MAPK4: variants seen among roughly 807,000 people sequenced by gnomAD.
The protein encoded by MAPK4 is Erk3-related.
A neutral mutation model predicts 47.7 loss-of-function variants in MAPK4; 22 were observed. That is an observed-to-expected ratio of 0.46 (90% CI 0.33 to 0.66). The LOEUF (loss-of-function observed/expected upper bound fraction) is 0.66. Ranked by LOEUF, MAPK4 falls within the 30% of genes least tolerant of loss-of-function variation. The pLI is 0.02. For synonymous variants in MAPK4, 390 were observed against 365.7 expected, an observed-to-expected ratio of 1.07 and a Z score of -0.76; for missense variants, 736 against 831.7, an observed-to-expected ratio of 0.88 and a Z score of 1.42.
intron 1 of MAPK4, among the ~76,000 whole-genome samples, chr18:50,649,063 G>C (rs889354049): frequency 6.6e-6 from 1 of 152,210 alleles, no homozygotes; most frequent in Non-Finnish European, 1.5e-5. Context: ...TTTTATGTGA[G>C]AGAAACACTT....
chr18:50,657,468 T>C (rs187977685), intron 1 of MAPK4, among the ~76,000 whole-genome samples: 23 of 152,270 alleles, frequency 1.5e-4, no homozygotes, highest in East Asian at 1.2e-3. Context: ...GCCGGAGTCA[T>C]TGTGTAATCA....
chr18:50,581,379 CCT>C, intron 1 of MAPK4, among the ~76,000 whole-genome samples: 1 of 152,200 alleles, frequency 6.6e-6, no homozygotes, highest in Middle Eastern at 3.4e-3. Flanking sequence ...GGCGTTGGTT[CCT>C]CTCTGCAGGT....
chr18:50,681,244 T>G (rs115074251), intron 2 of MAPK4, among the ~76,000 whole-genome samples: 1,541 of 152,304 alleles, frequency 0.01, 30 homozygotes, highest in African/African-American at 0.035. Flanking sequence ...TTGTTCATTT[T>G]TAATTGGGTT....
At chr18:50,584,082 G>T (rs2042369173) in intron 1 of MAPK4, among the ~76,000 whole-genome samples, 1 of 152,194 alleles carries the variant, frequency 6.6e-6, no homozygotes, top group Non-Finnish European at 1.5e-5. Context: ...AAGTCTTCTT[G>T]CTCCTTGAGG....
chr18:50,715,290 C>A (rs1028393940), intron 3 of MAPK4, 67 bp downstream of exon 3: 51 of 1,510,450 alleles, frequency 3.4e-5, no homozygotes, highest in Non-Finnish European at 4.4e-5. Context: ...GAACTGAGTG[C>A]AAAACACTTA....
At chr18:50,657,321 G>T (rs1227854284) in intron 1 of MAPK4, among the ~76,000 whole-genome samples, 1 of 152,184 alleles carries the variant, frequency 6.6e-6, no homozygotes, top group Non-Finnish European at 1.5e-5. Context: ...CACCTCCTGG[G>T]ACTCCGGGAA....
intron 1 of MAPK4, among the ~76,000 whole-genome samples, chr18:50,594,454 A>G (rs2042465238): frequency 6.6e-6 from 1 of 152,216 alleles, no homozygotes; most frequent in African/African-American, 2.4e-5. Flanking sequence ...ACACACCCAT[A>G]CATTTACAGT....
rs555303185 is a variant in MAPK4 at position 50,679,875 on chromosome 18, G to A, written c.546+15371G>A. On this transcript the variant is annotated intron_variant, in intron 2 of 5. Coordinates refer to ENST00000400384, the MANE Select transcript of MAPK4 (RefSeq NM_002747.4). ...CCCTCCTTCCTGTGTCCCTCCTGGT[G>A]GCCTCTCCCCGTGCTCTTACGCTGT... 3.9e-5 allele frequency among the ~76,000 whole-genome samples: 6 copies of A among 152,094 alleles called. No homozygotes were observed. In the East Asian group the frequency reaches 1.2e-3, roughly 30 times the overall value.
chr18:50,633,884 A>G (rs937361056), intron 1 of MAPK4, among the ~76,000 whole-genome samples: 2 of 152,164 alleles, frequency 1.3e-5, no homozygotes, highest in Non-Finnish European at 2.9e-5. Context: ...CATCTAAGGT[A>G]GGAAGGATCA....
chr18:50,726,565 C>T (rs969026345), intron 5 of MAPK4, among the ~76,000 whole-genome samples: 1 of 152,180 alleles, frequency 6.6e-6, no homozygotes, highest in African/African-American at 2.4e-5. Context: ...ATTACCATTA[C>T]AAAACGCTAT....
At chr18:50,581,751 T>C (rs2042347401) in intron 1 of MAPK4, among the ~76,000 whole-genome samples, 1 of 152,116 alleles carries the variant, frequency 6.6e-6, no homozygotes, top group African/African-American at 2.4e-5. Flanking sequence ...TAGAATGTGG[T>C]GAAGGGTTGA....
intron 1 of MAPK4, among the ~76,000 whole-genome samples, chr18:50,647,172 T>C (rs934166872): frequency 2.0e-5 from 3 of 152,246 alleles, no homozygotes; most frequent in African/African-American, 4.8e-5. Flanking sequence ...AAAGTTGCTT[T>C]GCAAATGTGT....
chr18:50,675,692 A>C (rs999363971), intron 2 of MAPK4, among the ~76,000 whole-genome samples: 1 of 151,728 alleles, frequency 6.6e-6, no homozygotes, highest in South Asian at 2.1e-4. Flanking sequence ...GGGTTTCATC[A>C]TGTTGGCCAG....
At chr18:50,567,388 A>G (rs1033236939) in intron 1 of MAPK4, among the ~76,000 whole-genome samples, 1 of 152,208 alleles carries the variant, frequency 6.6e-6, no homozygotes, top group Non-Finnish European at 1.5e-5. Flanking sequence ...ATTAGTGAAC[A>G]TTAAGTTTGC....
intron 1 of MAPK4, among the ~76,000 whole-genome samples, chr18:50,616,500 G>A (rs943999794): frequency 3.9e-5 from 6 of 152,304 alleles, no homozygotes; most frequent in African/African-American, 1.2e-4. Flanking sequence ...AATATATGAG[G>A]GGGAGTTTAT....
chr18:50,718,338 C>T (rs1910746321), intron 3 of MAPK4, among the ~76,000 whole-genome samples: 1 of 152,220 alleles, frequency 6.6e-6, no homozygotes, highest in Non-Finnish European at 1.5e-5. Context: ...CATGTCTCAG[C>T]CTCCCGAGTA....
chr18:50,578,774 C>T (rs1425245928), intron 1 of MAPK4, among the ~76,000 whole-genome samples: 1 of 152,156 alleles, frequency 6.6e-6, no homozygotes, highest in Non-Finnish European at 1.5e-5. Context: ...AAGGACACCA[C>T]AGTACTGCTC....
intron 1 of MAPK4, among the ~76,000 whole-genome samples, chr18:50,662,012 C>A (rs2043177390): frequency 6.6e-6 from 1 of 152,328 alleles, no homozygotes; most frequent in East Asian, 1.9e-4. Flanking sequence ...TATTTCAGAT[C>A]ATCTGTGTCC....
chr18:50,567,398 C>T (rs2042208038), intron 1 of MAPK4, among the ~76,000 whole-genome samples: 1 of 152,298 alleles, frequency 6.6e-6, no homozygotes, highest in South Asian at 2.1e-4. Context: ...ATTAAGTTTG[C>T]TCCTAATTTC....
Sources: allele counts gnomAD v4.1 joint callset (sites outside exome capture counted in the v4.1 genomes callset), GRCh38; gene constraint gnomAD v4.1.1; transcripts MANE v1.5; gene names NCBI Gene and HGNC (gene_info 2026-07-23, HGNC 2026-07-21).